The following LRP1B variants were observed in gnomAD, a reference collection of about 807,000 sequenced individuals.
LRP1B encodes the protein LDL receptor related protein 1B.
In LRP1B, 217 loss-of-function variants were observed where a neutral mutation model predicts 556.6. The observed-to-expected ratio is 0.39, with a 90% confidence interval of 0.35 to 0.44. The LOEUF is 0.44. Ranked by LOEUF, LRP1B falls within the 20% of genes least tolerant of loss-of-function variation. The pLI is 1.00. For missense variants in LRP1B, 5,053 were observed against 5,620.8 expected (o/e 0.90, Z 3.23); for synonymous variants, 2,047 against 1,865.8 (o/e 1.10, Z -2.50).
chr2:141,047,950 A>C (rs563911744), intron 11 of LRP1B, among the ~76,000 whole-genome samples: 6 of 152,204 alleles, frequency 3.9e-5, no homozygotes, highest in Non-Finnish European at 5.9e-5. Flanking sequence ...GTGAATATCC[A>C]TTACATAGGC....
rs374716120 is a variant in LRP1B, at chr2:141,581,018, C to T, written c.206-100485G>A. On this transcript the variant is annotated intron_variant, in intron 2 of 90. Coordinates refer to ENST00000389484, the MANE Select transcript of LRP1B (RefSeq NM_018557.3). The stretch of plus-strand genomic sequence containing the variant: ...CTCTCATCTAAATGTACCAGGTATC[C>T]TGATAAGTGTATACATGTCCCATGA... 8.5e-5 allele frequency among the ~76,000 whole-genome samples: 13 copies of T among 152,316 alleles called. No individual in the cohort carries two copies. The South Asian group carries it at 2.3e-3, about 27-fold the overall frequency.
chr2:140,841,606 G>A (rs2105099671), intron 29 of LRP1B, among the ~76,000 whole-genome samples: 2 of 152,290 alleles, frequency 1.3e-5, no homozygotes, highest in African/African-American at 4.8e-5. Context: ...GGAATTGACT[G>A]AGAAGAGAAA....
At chr2:141,878,108 C>T (rs879121587) in intron 1 of LRP1B, among the ~76,000 whole-genome samples, 5 of 152,012 alleles carry the variant, frequency 3.3e-5, no homozygotes, top group Admixed American at 3.3e-4. Context: ...TCTTAAAGGA[C>T]TTCACAAATT....
At chr2:141,766,314 G>C (rs1000141179) in intron 2 of LRP1B, among the ~76,000 whole-genome samples, 7 of 152,166 alleles carry the variant, frequency 4.6e-5, no homozygotes, top group African/African-American at 1.7e-4. Context: ...CGTGTCATCT[G>C]TGTGTTCCAG....
intron 3 of LRP1B, among the ~76,000 whole-genome samples, chr2:141,460,648 G>A (rs1681832590): frequency 6.6e-6 from 1 of 152,146 alleles, no homozygotes; most frequent in African/African-American, 2.4e-5. Context: ...TGGAATAAGA[G>A]AAATCAATTA....
chr2:142,015,311 C>G (rs551619610), intron 1 of LRP1B, among the ~76,000 whole-genome samples: 9 of 152,214 alleles, frequency 5.9e-5, no homozygotes, highest in African/African-American at 2.2e-4. Flanking sequence ...GGGAAATTGG[C>G]TAGCGATATG....
In LRP1B at chr2:141,027,685, G is replaced by T. The variant is rs554684829; in HGVS notation, c.1790-7583C>A. ...GTTTTGCAAGATGTTAGAAAAAGCT[G>T]TGTGAGGGCGCAATGGACTAAATGT... On this transcript the variant is annotated intron_variant, in intron 11 of 90. Transcript: ENST00000389484. 5.9e-5 allele frequency among the ~76,000 whole-genome samples: 9 copies of T among 152,276 alleles called. No individual in the cohort carries two copies. The South Asian group carries it at 1.9e-3, about 32-fold the overall frequency.
chr2:141,465,543 C>CTTTT (rs71391652), intron 3 of LRP1B, among the ~76,000 whole-genome samples: 29,659 of 116,552 alleles, frequency 0.25, 4,062 homozygotes, highest in East Asian at 0.55. Context: ...CACAGCATGA[C>CTTTT]TTTTTTTTTT....
At position 141,968,486 on chromosome 2, in the gene LRP1B, C is replaced by T. The variant is rs193153803; in HGVS notation, c.83-158085G>A. 2.9e-3 allele frequency among the ~76,000 whole-genome samples: 435 copies of T among 151,554 alleles called. 1 individual carries two copies. Among genetic ancestry groups the T allele is most frequent in the Non-Finnish European group, 4.9e-3 (333 of 67,732 alleles). ...ACTTGGCTTTCTAGAGCCCATAGGC[C>T]TCATGGCACATGTAAATATGCAAAA... On this transcript the variant is annotated intron_variant, in intron 1 of 90. Coordinates refer to ENST00000389484, the MANE Select transcript of LRP1B (RefSeq NM_018557.3).
intron 2 of LRP1B, among the ~76,000 whole-genome samples, chr2:141,786,201 C>A (rs552732535): frequency 5.3e-5 from 8 of 151,954 alleles, no homozygotes; most frequent in African/African-American, 1.7e-4. Flanking sequence ...CTTATGATGG[C>A]AACTTTTAAT....
intron 3 of LRP1B, among the ~76,000 whole-genome samples, chr2:141,407,276 T>C (rs1396486569): frequency 6.6e-6 from 1 of 152,188 alleles, no homozygotes; most frequent in Non-Finnish European, 1.5e-5. Flanking sequence ...AATGTTAAGA[T>C]GTATTTAATT....
At chr2:141,009,384 A>G (rs1175807713) in intron 14 of LRP1B, among the ~76,000 whole-genome samples, 1 of 151,944 alleles carries the variant, frequency 6.6e-6, no homozygotes, top group Non-Finnish European at 1.5e-5. Context: ...AAGAAAGGAT[A>G]AAATGCTTCT....
In LRP1B at chr2:141,166,970, C is replaced by A. The variant is rs531333064; in HGVS notation, c.1013+21451G>T. ...CATAATATATTCATAGAACATGGAACCTCTATACTTCAGAAACACTAATTC... is the reference window on the plus strand; with the variant it reads ...CATAATATATTCATAGAACATGGAAACTCTATACTTCAGAAACACTAATTC... On this transcript the variant is annotated intron_variant, in intron 7 of 90. Transcript: ENST00000389484. 2.6e-4 allele frequency among the ~76,000 whole-genome samples: 40 copies of A among 152,016 alleles called. No individual in the cohort carries two copies. In the East Asian group the frequency reaches 6.8e-3, roughly 26 times the overall value.
At chr2:141,822,134 G>GAGAGAGAGAA (rs1426482401) in intron 1 of LRP1B, among the ~76,000 whole-genome samples, 6 of 132,776 alleles carry the variant, frequency 4.5e-5, no homozygotes, top group African/African-American at 1.3e-4. Context: ...CACACACAGA[G>GAGAGAGAGAA]AGAGAGAGAG....
At chr2:141,676,628 GT>G (rs2105422242) in intron 2 of LRP1B, among the ~76,000 whole-genome samples, 1 of 152,224 alleles carries the variant, frequency 6.6e-6, no homozygotes, top group African/African-American at 2.4e-5. Flanking sequence ...TGAGCCAGCA[GT>G]TAGAATTGTT....
At chr2:141,234,775 A>G (rs1375655204) in intron 5 of LRP1B, among the ~76,000 whole-genome samples, 1 of 152,184 alleles carries the variant, frequency 6.6e-6, no homozygotes, top group Non-Finnish European at 1.5e-5. Flanking sequence ...TAAAAAGGAG[A>G]GATACAGAAT....
At chr2:141,796,317 A>C (rs1695810427) in intron 2 of LRP1B, among the ~76,000 whole-genome samples, 1 of 152,042 alleles carries the variant, frequency 6.6e-6, no homozygotes, top group Admixed American at 6.6e-5. Flanking sequence ...TACCTTCAAG[A>C]ATCCACTTAC....
At chr2:142,089,292 C>T (rs1041082846) in intron 1 of LRP1B, among the ~76,000 whole-genome samples, 11 of 152,150 alleles carry the variant, frequency 7.2e-5, no homozygotes, top group Non-Finnish European at 1.0e-4. Context: ...TTATAAAACA[C>T]GGGCTACCCT....
intron 6 of LRP1B, among the ~76,000 whole-genome samples, chr2:141,223,747 A>AT (rs1558943893): frequency 6.6e-6 from 1 of 152,166 alleles, no homozygotes; most frequent in African/African-American, 2.4e-5. Flanking sequence ...CAACCATTAG[A>AT]TCTTTGACAA....
Sources: gnomAD v4.1 joint callset for allele counts (sites outside exome capture counted in the v4.1 genomes callset) on GRCh38, gnomAD v4.1.1 for gene constraint, MANE v1.5 for transcripts, NCBI Gene and HGNC (gene_info 2026-07-23, HGNC 2026-07-21) for gene names.